The following BLTP3B variants were observed in gnomAD, a reference collection of about 807,000 sequenced individuals.
BLTP3B encodes the protein UHRF1 (ICBP90) binding protein 1-like.
chr12:100,076,284 T>C, the BLTP3B span, among the ~76,000 whole-genome samples: 2 of 152,138 alleles, frequency 1.3e-5, no homozygotes, highest in Admixed American at 6.5e-5. Context: ...GAGATGTTTT[T>C]TTTTCCATTC....
At chr12:100,044,862 C>G in the BLTP3B span, among the ~76,000 whole-genome samples, 2 of 152,130 alleles carry the variant, frequency 1.3e-5, no homozygotes, top group East Asian at 1.9e-4. Flanking sequence ...ACCATCTCAG[C>G]CCAAAATCTC....
the BLTP3B span, among the ~76,000 whole-genome samples, chr12:100,061,386 G>A: frequency 1.7e-3 from 254 of 152,252 alleles, no homozygotes; most frequent in Middle Eastern, 3.4e-3. Context: ...GGGCCGGCGC[G>A]GTGGCTCACG....
At chr12:100,070,583 G>A in the BLTP3B span, among the ~76,000 whole-genome samples, 1 of 152,140 alleles carries the variant, frequency 6.6e-6, no homozygotes, top group Non-Finnish European at 1.5e-5. Flanking sequence ...CCCAAACTAG[G>A]AATAAAGCAA....
the BLTP3B span, among the ~76,000 whole-genome samples, chr12:100,109,209 TC>T: frequency 7.9e-6 from 1 of 126,232 alleles, no homozygotes; most frequent in Non-Finnish European, 1.7e-5. Context: ...TCTCTCTCTC[TC>T]TCTCCTGCCA....
At chr12:100,091,125 C>G in the BLTP3B span, among the ~76,000 whole-genome samples, 1 of 145,494 alleles carries the variant, frequency 6.9e-6, no homozygotes, top group Non-Finnish European at 1.5e-5. Flanking sequence ...CTGCTGGGTT[C>G]AAGTGATTTT....
chr12:100,081,580 C>G, the BLTP3B span, among the ~76,000 whole-genome samples: 1 of 152,190 alleles, frequency 6.6e-6, no homozygotes, highest in Non-Finnish European at 1.5e-5. Flanking sequence ...CCTCCACCCT[C>G]AAGTAAGACC....
chr12:100,123,881 A>G, the BLTP3B span, among the ~76,000 whole-genome samples: 2 of 152,204 alleles, frequency 1.3e-5, no homozygotes, highest in Non-Finnish European at 2.9e-5. Flanking sequence ...TTAAAGAATG[A>G]AAGAATGCAA....
chr12:100,046,589 G>T, the BLTP3B span, among the ~76,000 whole-genome samples: 1 of 151,616 alleles, frequency 6.6e-6, no homozygotes, highest in Admixed American at 6.6e-5. Context: ...GGTGGGGGCT[G>T]GGGGGAGGGA....
At chr12:100,063,848 A>G in the BLTP3B span, among the ~76,000 whole-genome samples, 1 of 152,164 alleles carries the variant, frequency 6.6e-6, no homozygotes, top group Non-Finnish European at 1.5e-5. Context: ...AGAACCAGAA[A>G]AACAACTCTG....
At chr12:100,078,858 T>A in the BLTP3B span, among the ~76,000 whole-genome samples, 1 of 150,156 alleles carries the variant, frequency 6.7e-6, no homozygotes, top group Non-Finnish European at 1.5e-5. Flanking sequence ...GTGAGGAACC[T>A]GGTGGGAGGT....
At chr12:100,046,486 G>C in the BLTP3B span, among the ~76,000 whole-genome samples, 1 of 147,826 alleles carries the variant, frequency 6.8e-6, no homozygotes, top group African/African-American at 2.5e-5. Context: ...ACAGAAAACT[G>C]TATACCGCAT....
the BLTP3B span, among the ~76,000 whole-genome samples, chr12:100,129,999 C>T: frequency 6.6e-6 from 1 of 152,196 alleles, no homozygotes; most frequent in African/African-American, 2.4e-5. Context: ...CTCTGTTGCC[C>T]AGGCTAGAGT....
chr12:100,118,612 G>A, the BLTP3B span, among the ~76,000 whole-genome samples: 95 of 152,294 alleles, frequency 6.2e-4, no homozygotes, highest in Admixed American at 1.8e-3. Flanking sequence ...TTAGTTAATT[G>A]TGATGAACCA....
At chr12:100,106,525 GTTCTT>G in the BLTP3B span, among the ~76,000 whole-genome samples, 2 of 152,160 alleles carry the variant, frequency 1.3e-5, no homozygotes, top group African/African-American at 4.8e-5. Flanking sequence ...AATACCACAT[GTTCTT>G]TTAAGTGTGA....
At chr12:100,071,053 G>A in the BLTP3B span, among the ~76,000 whole-genome samples, 1 of 152,052 alleles carries the variant, frequency 6.6e-6, no homozygotes, top group Non-Finnish European at 1.5e-5. Flanking sequence ...GTAGGTCTAA[G>A]TATTTTGGAG....
At chr12:100,060,576 C>T in the BLTP3B span, among the ~76,000 whole-genome samples, 2 of 152,244 alleles carry the variant, frequency 1.3e-5, no homozygotes, top group East Asian at 3.9e-4. Context: ...AGGGACCGTG[C>T]ATAAATTTAT....
chr12:100,130,982 G>GGGGA, the BLTP3B span, among the ~76,000 whole-genome samples: 54 of 62,228 alleles, frequency 8.7e-4, 1 homozygote, highest in Non-Finnish European at 1.3e-3. Flanking sequence ...AGAGAGGGAG[G>GGGGA]GAGAGAGAGA....
At chr12:100,070,199 G>C in the BLTP3B span, 3 of 1,553,912 alleles carry the variant, frequency 1.9e-6, no homozygotes, top group South Asian at 3.6e-5. Flanking sequence ...AACACACACA[G>C]ATAAACAAAA....
chr12:100,046,659 G>A, the BLTP3B span, among the ~76,000 whole-genome samples: 68 of 152,060 alleles, frequency 4.5e-4, 1 homozygote, highest in South Asian at 5.8e-3. Context: ...AAACCAACAT[G>A]GCACATGTAT....
Sources: allele counts gnomAD v4.1 joint callset (sites outside exome capture counted in the v4.1 genomes callset), GRCh38; gene constraint gnomAD v4.1.1; transcripts MANE v1.5; gene names NCBI Gene and HGNC (gene_info 2026-07-23, HGNC 2026-07-21).